The following DAAM1 variants were observed in gnomAD, a reference collection of about 807,000 sequenced individuals.
DAAM1 encodes disheveled-associated activator of morphogenesis 1.
A neutral mutation model predicts 130.0 loss-of-function variants in DAAM1; 52 were observed. That is an observed-to-expected ratio of 0.40 (90% CI 0.32 to 0.50). The LOEUF (loss-of-function observed/expected upper bound fraction) is 0.50, where lower values mean the gene tolerates loss of function less well. Among genes scored for constraint, DAAM1 ranks in the 20% least tolerant of loss-of-function variants. The probability of loss-of-function intolerance (pLI) is 0.61; values close to 1 mark genes in which losing one functional copy is unlikely to be tolerated. For missense variants in DAAM1, 1,134 were observed against 1,303.8 expected, an observed-to-expected ratio of 0.87 and a Z score of 2.01; for synonymous variants, 452 against 444.5, an observed-to-expected ratio of 1.02 and a Z score of -0.21.
intron 4 of DAAM1, among the ~76,000 whole-genome samples, chr14:59,318,767 T>C (rs961970666): frequency 1.3e-5 from 2 of 152,184 alleles, no homozygotes; most frequent in Non-Finnish European, 2.9e-5. Context: ...TTACACAGTA[T>C]TGGGAAAGGA....
intron 23 of DAAM1, among the ~76,000 whole-genome samples, chr14:59,366,899 A>G (rs1376113727): frequency 1.3e-5 from 2 of 148,916 alleles, no homozygotes; most frequent in East Asian, 4.1e-4. Context: ...AACCTGGGTA[A>G]CATGTAAGAC....
intron 2 of DAAM1, among the ~76,000 whole-genome samples, chr14:59,272,349 C>T (rs959560555): frequency 2.0e-5 from 3 of 152,082 alleles, no homozygotes; most frequent in Non-Finnish European, 4.4e-5. Context: ...GAGACTAAGG[C>T]GGGCAGATCA....
chr14:59,200,719 A>T (rs980215715), intron 1 of DAAM1, among the ~76,000 whole-genome samples: 2 of 152,210 alleles, frequency 1.3e-5, no homozygotes, highest in African/African-American at 4.8e-5. Context: ...ACTTCTGAGG[A>T]TATCCAAGCC....
intron 1 of DAAM1, among the ~76,000 whole-genome samples, chr14:59,245,057 G>C (rs537699877): frequency 6.6e-6 from 1 of 152,118 alleles, no homozygotes; most frequent in Non-Finnish European, 1.5e-5. Flanking sequence ...AAAAGGACGG[G>C]GGGGCCAGGG....
At chr14:59,345,189 C>T (rs961319928) in intron 16 of DAAM1, among the ~76,000 whole-genome samples, 8 of 152,044 alleles carry the variant, frequency 5.3e-5, no homozygotes, top group African/African-American at 1.9e-4. Context: ...GTATACTTTA[C>T]CCATGCCAAC....
At chr14:59,238,089 A>T (rs1269010) in intron 1 of DAAM1, among the ~76,000 whole-genome samples, 20,348 of 151,966 alleles carry the variant, frequency 0.13, 1,531 homozygotes, top group Middle Eastern at 0.18. Flanking sequence ...ATGTTTTTTT[A>T]AAATGAGATG....
At chr14:59,243,451 T>G (rs1290101308) in intron 1 of DAAM1, among the ~76,000 whole-genome samples, 1 of 152,234 alleles carries the variant, frequency 6.6e-6, no homozygotes, top group Admixed American at 6.5e-5. Flanking sequence ...GTTCTTCTAC[T>G]CAGGCTGGTG....
chr14:59,219,604 CTT>C (rs1249082359), intron 1 of DAAM1, among the ~76,000 whole-genome samples: 1 of 152,174 alleles, frequency 6.6e-6, no homozygotes, highest in East Asian at 1.9e-4. Context: ...ATACGGTACT[CTT>C]TCCTCCAAGA....
Position 59,323,102 on chromosome 14 carries a change from T to A in DAAM1, c.651T>A (p.Ile217=), listed in dbSNP as rs749794234. 1 of 1,613,680 alleles carries A rather than the reference T, an allele frequency of 6.2e-7. No individual in the cohort carries two copies. Among genetic ancestry groups the A allele is most frequent in the African/African-American group, 1.3e-5 (1 of 75,016 alleles). ...CTCAGAGTCTGAGCACAGAGAACAT[T>A]AAAACGAAGGTGGCCGTGCTGGAAA... ...VIAQSLSTEN[I]KTKVAVLEIL... Residue 217 remains isoleucine (I), a synonymous_variant, in exon 6 of 25, where the codon ATT becomes ATA. Transcript: ENST00000360909.
intron 5 of DAAM1, 118 bp downstream of exon 5, chr14:59,320,702 TTTAATCA>T: frequency 1.6e-6 from 1 of 635,716 alleles, no homozygotes; most frequent in Non-Finnish European, 2.5e-6. Flanking sequence ...CATAACATAC[TTTAATCA>T]TTAACATTTA....
intron 1 of DAAM1, among the ~76,000 whole-genome samples, chr14:59,259,266 C>T (rs945707856): frequency 2.0e-5 from 3 of 152,130 alleles, no homozygotes; most frequent in Non-Finnish European, 2.9e-5. Flanking sequence ...ACCCAGACCT[C>T]GATTTACAGT....
intron 1 of DAAM1, among the ~76,000 whole-genome samples, chr14:59,259,701 A>C (rs756381917): frequency 2.6e-5 from 4 of 152,210 alleles, no homozygotes; most frequent in Non-Finnish European, 4.4e-5. Context: ...AATGACTCCC[A>C]TGTCCTAATG....
chr14:59,293,431 G>A (rs1188560423), intron 3 of DAAM1, among the ~76,000 whole-genome samples: 1 of 152,148 alleles, frequency 6.6e-6, no homozygotes, highest in African/African-American at 2.4e-5. Context: ...TGCATGATGG[G>A]GGGTTTGCTT....
chr14:59,263,354 G>A (rs992719880), intron 1 of DAAM1, 87 bp from the exon 2 acceptor site: 19 of 1,168,866 alleles, frequency 1.6e-5, no homozygotes, highest in East Asian at 5.1e-5. Context: ...GTCAGCACAC[G>A]GAGCTCTTTC....
At chr14:59,222,711 G>A (rs777343754) in intron 1 of DAAM1, among the ~76,000 whole-genome samples, 13 of 152,192 alleles carry the variant, frequency 8.5e-5, no homozygotes, top group Non-Finnish European at 1.6e-4. Context: ...TTACTCTTTG[G>A]TAAGCATTCA....
intron 1 of DAAM1, among the ~76,000 whole-genome samples, chr14:59,222,192 G>A (rs1326365375): frequency 2.6e-5 from 4 of 152,106 alleles, no homozygotes; most frequent in African/African-American, 4.8e-5. Context: ...CCGTGAGTTC[G>A]GGCCCCTTTC....
At chr14:59,365,369 G>A (rs1886875946) in intron 23 of DAAM1, among the ~76,000 whole-genome samples, 1 of 152,116 alleles carries the variant, frequency 6.6e-6, no homozygotes, top group South Asian at 2.1e-4. Context: ...GTTCATACCA[G>A]AACTTTTATA....
intron 3 of DAAM1, among the ~76,000 whole-genome samples, chr14:59,312,253 G>A (rs1884628094): frequency 6.6e-6 from 1 of 152,200 alleles, no homozygotes; most frequent in Non-Finnish European, 1.5e-5. Context: ...CATAACTGGA[G>A]ACTCTGGAAC....
At chr14:59,351,939 C>T (rs1268963620) in intron 17 of DAAM1, among the ~76,000 whole-genome samples, 4 of 151,568 alleles carry the variant, frequency 2.6e-5, no homozygotes, top group East Asian at 1.9e-4. Context: ...AAATAAAATA[C>T]GAAATTAAAA....
Sources: gnomAD v4.1 joint callset for allele counts (sites outside exome capture counted in the v4.1 genomes callset) on GRCh38, gnomAD v4.1.1 for gene constraint, MANE v1.5 for transcripts, NCBI Gene and HGNC (gene_info 2026-07-23, HGNC 2026-07-21) for gene names.